FAM53B: variants seen among roughly 807,000 people sequenced by gnomAD.
FAM53B encodes the protein family with sequence similarity 53 member B.
FAM53B carries 12 observed loss-of-function variants against 32.7 expected under a neutral mutation model. The observed-to-expected ratio is 0.37, with a 90% CI of 0.24 to 0.59. The LOEUF is 0.59. FAM53B is among the 20% of genes least tolerant of loss of function. FAM53B has a pLI of 0.72. For synonymous variants in FAM53B, 234 were observed against 228.7 expected, an observed-to-expected ratio of 1.02 and a Z score of -0.21; for missense variants, 477 against 577.7, an observed-to-expected ratio of 0.83 and a Z score of 1.79.
intron 1 of FAM53B, among the ~76,000 whole-genome samples, chr10:124,716,973 G>A (rs942293493): frequency 2.6e-5 from 4 of 151,984 alleles, no homozygotes; most frequent in East Asian, 1.9e-4. Flanking sequence ...TTCTTCAGTC[G>A]GACCTATTTA....
chr10:124,680,957 A>C (rs1351263732), intron 4 of FAM53B, among the ~76,000 whole-genome samples: 1 of 152,204 alleles, frequency 6.6e-6, no homozygotes, highest in Non-Finnish European at 1.5e-5. Flanking sequence ...ATTCAAATCA[A>C]TATCCAAGAT....
chr10:124,736,110 T>A (rs1380170741), intron 1 of FAM53B, among the ~76,000 whole-genome samples: 1 of 152,226 alleles, frequency 6.6e-6, no homozygotes, highest in Non-Finnish European at 1.5e-5. Flanking sequence ...CTGGCACTGC[T>A]CTGCAAGGCA....
intron 4 of FAM53B, among the ~76,000 whole-genome samples, chr10:124,643,743 A>G (rs116485638): frequency 0.053 from 8,136 of 152,264 alleles, 710 homozygotes; most frequent in African/African-American, 0.18. Flanking sequence ...GATTTCCCCC[A>G]CAGGGCTGCC....
chr10:124,713,515 C>G (rs147247251), intron 1 of FAM53B: 2 of 152,342 alleles, frequency 1.3e-5, no homozygotes, highest in East Asian at 1.9e-4. Context: ...CAGCTTCCAG[C>G]AAGTGGGAGC....
chr10:124,644,336 A>C (rs1040925614), intron 4 of FAM53B, among the ~76,000 whole-genome samples: 1 of 152,206 alleles, frequency 6.6e-6, no homozygotes, highest in Non-Finnish European at 1.5e-5. Context: ...CAGTGGCTAC[A>C]GCCCCTTCAC....
At chr10:124,628,614 G>A (rs559358485) in intron 4 of FAM53B, among the ~76,000 whole-genome samples, 6 of 152,328 alleles carry the variant, frequency 3.9e-5, no homozygotes, top group Admixed American at 1.3e-4. Flanking sequence ...GGCTGCTGGT[G>A]TCCCACCTGG....
In FAM53B at chr10:124,721,116, C is replaced by T. The variant is rs117101480; in HGVS notation, c.-174-14229G>A. On this transcript the variant is annotated intron_variant, in intron 1 of 4. Transcript: ENST00000337318. ...ACTCGGGAGGTTGGGGTGGGAAGAT[C>T]GCTTGAGTCCGAGAAGCGGAGGTTG... Among the ~76,000 whole-genome samples the T allele has an allele frequency of 2.7e-3, 410 of 152,308 alleles. 15 individuals carry two copies. The East Asian group carries it at 0.074, about 28-fold the overall frequency.
chr10:124,732,993 C>T (rs543936957), intron 1 of FAM53B, among the ~76,000 whole-genome samples: 3 of 152,306 alleles, frequency 2.0e-5, no homozygotes, highest in East Asian at 3.9e-4. Context: ...TTGGCCTATG[C>T]GGACGCAGCC....
intron 1 of FAM53B, among the ~76,000 whole-genome samples, chr10:124,720,136 C>T (rs979552027): frequency 3.3e-5 from 5 of 150,370 alleles, no homozygotes; most frequent in Admixed American, 2.6e-4. Flanking sequence ...GCACTCCAGC[C>T]TGGGTGACAA....
Position 124,681,742 on chromosome 10 carries a change from C to T in FAM53B, c.771G>A (p.Ala257=), listed in dbSNP as rs781047985. ...TGCGGGAAAGGCCGCTGGAGCGTCT[C>T]GCCAGCTCTGGTGTTGAGGCAGGTG... The part of the protein sequence containing the change: ...NSTPASTPEL[A]RRSSGLSRSR... Residue 257 remains alanine, a synonymous_variant, in exon 4 of 5, where the codon GCG becomes GCA. Transcript: ENST00000337318. 45 of 1,609,908 alleles carry T rather than the reference C, an allele frequency of 2.8e-5. No individual in the cohort carries two copies. The highest frequency in any genetic ancestry group is 4.0e-5 in the African/African-American group (3 of 74,906).
rs569077708 is a variant in FAM53B at position 124,743,688 on chromosome 10, G to C, written c.-175+325C>G. ...CACCCCCGGGCGCAGCAGTCCCCGC[G>C]CCCGCCCGCCCTGGCCTGGGGAGCG... On this transcript the variant is annotated intron_variant, in intron 1 of 4. Transcript: ENST00000337318. Among the ~76,000 whole-genome samples, 337 of 151,828 alleles carry C rather than the reference G, an allele frequency of 2.2e-3. 1 individual carries two copies. The highest frequency in any genetic ancestry group is 0.017 in the Middle Eastern group (5 of 294).
intron 2 of FAM53B, 57 bp downstream of exon 2, chr10:124,706,579 C>CTGTA: frequency 6.2e-7 from 1 of 1,609,582 alleles, no homozygotes; most frequent in Non-Finnish European, 8.5e-7. Flanking sequence ...ACAGCCCTGT[C>CTGTA]TGTACATCAG....
intron 4 of FAM53B, among the ~76,000 whole-genome samples, chr10:124,642,032 C>T (rs375580648): frequency 3.3e-5 from 5 of 152,346 alleles, no homozygotes; most frequent in South Asian, 2.1e-4. Flanking sequence ...GAACAAATGG[C>T]GTGCGTGCAT....
At chr10:124,718,627 CCCACCACCAG>C (rs1950050375) in intron 1 of FAM53B, among the ~76,000 whole-genome samples, 2 of 152,248 alleles carry the variant, frequency 1.3e-5, no homozygotes, top group Non-Finnish European at 2.9e-5. Flanking sequence ...TAAGACTACT[CCCACCACCAG>C]CCACAGCACA....
chr10:124,705,496 A>C (rs894528950), intron 2 of FAM53B: 2 of 152,310 alleles, frequency 1.3e-5, no homozygotes, highest in African/African-American at 4.8e-5. Context: ...CTGCTCCTCT[A>C]CAAGCCCTGG....
chr10:124,645,511 G>A (rs1304464500), intron 4 of FAM53B, among the ~76,000 whole-genome samples: 1 of 152,174 alleles, frequency 6.6e-6, no homozygotes, highest in Admixed American at 6.5e-5. Context: ...AAGGCAGACA[G>A]GTGAGGGTAA....
In FAM53B at chr10:124,706,625, C is replaced by T. The variant is rs191978901; in HGVS notation, c.78+11G>A. On this transcript the variant is annotated intron_variant, in intron 2 of 4. Coordinates refer to ENST00000337318, the MANE Select transcript of FAM53B (RefSeq NM_014661.4). ...TGGTCATGGAAAGCAGGAAGCCTGC[C>T]AGGTCCTCACCAGTTCACGGCTGAA... 153 of 1,614,218 alleles carry T rather than the reference C, an allele frequency of 9.5e-5. No homozygotes were observed. Among genetic ancestry groups the T allele is most frequent in the Admixed American group, 7.5e-4 (45 of 60,026 alleles).
intron 4 of FAM53B, among the ~76,000 whole-genome samples, chr10:124,636,089 T>C (rs1320522247): frequency 1.3e-5 from 2 of 152,214 alleles, no homozygotes; most frequent in Admixed American, 6.5e-5. Context: ...TGAAATGCCA[T>C]GTCTATCTCT....
chr10:124,677,721 T>C (rs939016706), intron 4 of FAM53B, among the ~76,000 whole-genome samples: 5 of 152,176 alleles, frequency 3.3e-5, no homozygotes, highest in African/African-American at 9.7e-5. Context: ...AAGCAATATC[T>C]ACACCCCACC....
Sources: gnomAD v4.1 joint callset for allele counts (sites outside exome capture counted in the v4.1 genomes callset) on GRCh38, gnomAD v4.1.1 for gene constraint, MANE v1.5 for transcripts, NCBI Gene and HGNC (gene_info 2026-07-23, HGNC 2026-07-21) for gene names.